The following GRID2 variants were observed in gnomAD, a reference collection of about 807,000 sequenced individuals.
The protein encoded by GRID2 is glutamate receptor ionotropic, delta-2.
Under a neutral mutation model 114.8 loss-of-function variants are expected in GRID2, and 33 were observed. That is an observed-to-expected ratio of 0.29 (90% CI 0.22 to 0.38). GRID2 has a LOEUF of 0.38. GRID2 is among the 10% of genes least tolerant of loss of function. GRID2 has a pLI of 1.00. For missense variants in GRID2, 1,184 were observed against 1,257.7 expected (o/e 0.94, Z 0.89); for synonymous variants, 505 against 449.9 (o/e 1.12, Z -1.55).
rs777225636 is a variant in GRID2, at chr4:93,440,588, T to G, written c.1546-15074T>G. 6.7e-4 allele frequency among the ~76,000 whole-genome samples: 102 copies of G among 152,166 alleles called. 1 individual carries two copies. Among genetic ancestry groups the G allele is most frequent in the Non-Finnish European group, 1.4e-3 (95 of 67,990 alleles). ...ACTGGATATGCATATAGGATGAAAC[T>G]AAAATATAGATATGGGAGATCATAC... On this transcript the variant is annotated intron_variant, in intron 10 of 15. Transcript: ENST00000282020.
intron 2 of GRID2, among the ~76,000 whole-genome samples, chr4:92,657,345 T>C (rs1732293599): frequency 6.6e-6 from 1 of 151,704 alleles, no homozygotes; most frequent in African/African-American, 2.4e-5. Context: ...ATATTTATTC[T>C]TGTTGTTTCT....
At chr4:93,655,585 A>G (rs1421760170) in intron 14 of GRID2, among the ~76,000 whole-genome samples, 3 of 152,174 alleles carry the variant, frequency 2.0e-5, no homozygotes, top group African/African-American at 7.2e-5. Context: ...CTATTTCTAG[A>G]AATAAGATTT....
intron 13 of GRID2, among the ~76,000 whole-genome samples, chr4:93,591,416 A>T (rs1046799597): frequency 6.6e-6 from 1 of 151,842 alleles, no homozygotes; most frequent in Admixed American, 6.6e-5. Context: ...CCACTTGACC[A>T]TGGTGGATAA....
chr4:92,666,407 G>C (rs1193465715), intron 2 of GRID2, among the ~76,000 whole-genome samples: 1 of 151,336 alleles, frequency 6.6e-6, no homozygotes, highest in Non-Finnish European at 1.5e-5. Context: ...ACTTTCTCAA[G>C]GACAATTTCT....
intron 1 of GRID2, among the ~76,000 whole-genome samples, chr4:92,415,117 T>A (rs1731532566): frequency 2.0e-5 from 3 of 152,156 alleles, no homozygotes; most frequent in East Asian, 3.9e-4. Flanking sequence ...AAGCAAATTT[T>A]ATCTTGTAAA....
chr4:93,106,007 G>A (rs1033291798), intron 3 of GRID2, among the ~76,000 whole-genome samples: 1 of 151,908 alleles, frequency 6.6e-6, no homozygotes, highest in Non-Finnish European at 1.5e-5. Flanking sequence ...CCTTTATAGT[G>A]TCATGGAAAA....
chr4:93,783,559 A>C (rs1734524186), intron 1 of GRID2, among the ~76,000 whole-genome samples: 2 of 152,244 alleles, frequency 1.3e-5, no homozygotes, highest in Admixed American at 1.3e-4. Context: ...ATAAAAACTC[A>C]CAAAAGATGA....
intron 11 of GRID2, among the ~76,000 whole-genome samples, chr4:93,485,470 T>C (rs551502711): frequency 9.9e-5 from 15 of 151,922 alleles, no homozygotes; most frequent in African/African-American, 2.6e-4. Context: ...CTTGTGGATA[T>C]ATTCTCCTAT....
intron 1 of GRID2, among the ~76,000 whole-genome samples, chr4:92,490,744 C>T (rs111403589): frequency 9.9e-5 from 15 of 152,008 alleles, no homozygotes; most frequent in African/African-American, 2.2e-4. Flanking sequence ...CATAAGAGGC[C>T]GTCCTCTCCA....
intron 2 of GRID2, among the ~76,000 whole-genome samples, chr4:92,856,453 C>T (rs1744189458): frequency 6.6e-6 from 1 of 152,072 alleles, no homozygotes; most frequent in African/African-American, 2.4e-5. Flanking sequence ...GCAACTGCAC[C>T]TTTGGAAAGC....
At chr4:93,205,426 C>A (rs548964474) in intron 4 of GRID2, among the ~76,000 whole-genome samples, 4 of 151,890 alleles carry the variant, frequency 2.6e-5, no homozygotes, top group Non-Finnish European at 2.9e-5. Flanking sequence ...TTTGTCCTTG[C>A]GATAGTTTGC....
chr4:93,050,886 C>G (rs1260612738), intron 2 of GRID2, among the ~76,000 whole-genome samples: 1 of 151,990 alleles, frequency 6.6e-6, no homozygotes, highest in Non-Finnish European at 1.5e-5. Flanking sequence ...CTCCAACAGG[C>G]GTTGCAGCAT....
At chr4:92,414,957 G>T (rs1731521011) in intron 1 of GRID2, among the ~76,000 whole-genome samples, 1 of 151,948 alleles carries the variant, frequency 6.6e-6, no homozygotes, top group Non-Finnish European at 1.5e-5. Flanking sequence ...ATTCATGTTG[G>T]TATCTAGATA....
chr4:93,108,924 G>A (rs1732514662), intron 3 of GRID2, among the ~76,000 whole-genome samples: 1 of 152,006 alleles, frequency 6.6e-6, no homozygotes, highest in African/African-American at 2.4e-5. Context: ...CCACCACACT[G>A]GGCCTCTGAC....
At chr4:93,271,109 G>A (rs185177500) in intron 8 of GRID2, among the ~76,000 whole-genome samples, 1 of 152,216 alleles carries the variant, frequency 6.6e-6, no homozygotes, top group Admixed American at 6.5e-5. Context: ...GTGTCCCATG[G>A]ACCAGATATA....
chr4:92,446,677 G>C (rs1733486347), intron 1 of GRID2, among the ~76,000 whole-genome samples: 1 of 152,156 alleles, frequency 6.6e-6, no homozygotes, highest in Admixed American at 6.5e-5. Context: ...AGTGGCTCTA[G>C]CTCCACTACA....
intron 14 of GRID2, among the ~76,000 whole-genome samples, chr4:93,666,607 AAG>A (rs1166825332): frequency 1.3e-5 from 2 of 152,084 alleles, no homozygotes; most frequent in Non-Finnish European, 2.9e-5. Context: ...AGAGGACAGT[AAG>A]AGGATATAGC....
At chr4:92,308,040 G>T (rs970849490) in intron 1 of GRID2, among the ~76,000 whole-genome samples, 1 of 152,110 alleles carries the variant, frequency 6.6e-6, no homozygotes, top group Non-Finnish European at 1.5e-5. Context: ...TTCAGAAGTC[G>T]CTCTGATTTA....
At position 92,717,430 on chromosome 4, in the gene GRID2, C is replaced by A. The variant is rs151045743; in HGVS notation, c.244+127144C>A. The stretch of plus-strand genomic sequence containing the variant: ...ATTCTACAGGTAGGTTTGTAGAGTA[C>A]AACAGGCTGACAGGTGCCTGTCAAG... On this transcript the variant is annotated intron_variant, in intron 2 of 15. Coordinates refer to ENST00000282020, the MANE Select transcript of GRID2 (RefSeq NM_001510.4). 4.5e-4 allele frequency among the ~76,000 whole-genome samples: 69 copies of A among 152,204 alleles called. No homozygotes were observed. In the East Asian group the frequency reaches 0.011, roughly 24 times the overall value.
Sources: gnomAD v4.1 joint callset for allele counts (sites outside exome capture counted in the v4.1 genomes callset) on GRCh38, gnomAD v4.1.1 for gene constraint, MANE v1.5 for transcripts, NCBI Gene and HGNC (gene_info 2026-07-23, HGNC 2026-07-21) for gene names.